Variants in PBX1 observed in about 807,000 individuals in gnomAD.
The protein encoded by PBX1 is pre-B-cell leukemia transcription factor 1.
In PBX1, 6 loss-of-function variants were observed where a neutral mutation model predicts 53.4. That is an observed-to-expected ratio of 0.11 (90% CI 0.06 to 0.22). PBX1 has a LOEUF of 0.22. Ranked by LOEUF, PBX1 falls within the 10% of genes least tolerant of loss-of-function variation. The probability of loss-of-function intolerance (pLI) is 1.00; values close to 1 mark genes in which losing one functional copy is unlikely to be tolerated. For synonymous variants in PBX1, 204 were observed against 212.3 expected, an observed-to-expected ratio of 0.96 and a Z score of 0.34; for missense variants, 251 against 551.4, an observed-to-expected ratio of 0.46 and a Z score of 5.46.
Position 164,621,915 on chromosome 1 carries a change from C to T in PBX1, c.265+58604C>T, listed in dbSNP as rs72696418. ...AGAAGAAAAGCTCCCATCTTTCACA[C>T]TAAATACGTTCTATAAAACCAAGCA... On this transcript the variant is annotated intron_variant, in intron 2 of 8. Coordinates refer to ENST00000420696, the MANE Select transcript of PBX1 (RefSeq NM_002585.4). Among the ~76,000 whole-genome samples, 413 of 152,164 alleles carry T rather than the reference C, an allele frequency of 2.7e-3. 1 individual carries two copies. The highest frequency in any genetic ancestry group is 4.4e-3 in the Non-Finnish European group (299 of 68,012).
At position 164,861,453 on chromosome 1, in the gene PBX1, A is replaced by G. The variant is rs151305890; in HGVS notation, n.257+29970A>G. 7.5e-3 allele frequency among the ~76,000 whole-genome samples: 1,138 copies of G among 152,264 alleles called. 10 individuals carry two copies. The highest frequency in any genetic ancestry group is 0.026 in the African/African-American group (1,098 of 41,544). On this transcript the variant is annotated intron_variant and non_coding_transcript_variant, in intron 2 of 2. Transcript: ENST00000558796. Reference sequence around the variant, plus strand: ...TTGGCTTGAACATATAGTTATTTTAAACTATCCATTTATTTATTCCTTCAC... The same window carrying G: ...TTGGCTTGAACATATAGTTATTTTAGACTATCCATTTATTTATTCCTTCAC...
intron 2 of PBX1, among the ~76,000 whole-genome samples, chr1:164,755,315 A>G (rs1004042618): frequency 2.0e-5 from 3 of 151,928 alleles, no homozygotes; most frequent in Non-Finnish European, 4.4e-5. Flanking sequence ...ATGGCCAGCT[A>G]ATTTTGTATT....
Position 164,879,509 on chromosome 1 carries a change from T to C in PBX1, n.258-19679T>C, listed in dbSNP as rs546978873. 2.6e-5 allele frequency among the ~76,000 whole-genome samples: 4 copies of C among 152,264 alleles called. No homozygotes were observed. The South Asian group carries it at 8.3e-4, about 32-fold the overall frequency. The stretch of plus-strand genomic sequence containing the variant: ...TTTCTGTCATCTTGGGTTTGACATG[T>C]AACAGAAGATCTAAGTGGAAACCTC... On this transcript the variant is annotated intron_variant and non_coding_transcript_variant, in intron 2 of 2. Coordinates refer to the PBX1 transcript ENST00000558796.
At chr1:164,601,601 G>A (rs1001190323) in intron 2 of PBX1, among the ~76,000 whole-genome samples, 8 of 152,170 alleles carry the variant, frequency 5.3e-5, no homozygotes, top group African/African-American at 1.9e-4. Flanking sequence ...TTAAACTGTG[G>A]CAGGAGGGTC....
chr1:164,660,436 G>A (rs1231146488), intron 2 of PBX1, among the ~76,000 whole-genome samples: 1 of 152,228 alleles, frequency 6.6e-6, no homozygotes, highest in Non-Finnish European at 1.5e-5. Context: ...TGTGTGGTAA[G>A]ACTGGCGAAA....
chr1:164,565,422 GACACACACACACAC>G (rs36118857), intron 2 of PBX1, among the ~76,000 whole-genome samples: 2 of 145,904 alleles, frequency 1.4e-5, no homozygotes. Context: ...TGTGTTAAGG[GACACACACACACAC>G]ACACACACAC....
At chr1:164,687,561 TAAAAAAA>T (rs5778407) in intron 2 of PBX1, among the ~76,000 whole-genome samples, 2 of 110,490 alleles carry the variant, frequency 1.8e-5, no homozygotes. Context: ...AGACCTTGTC[TAAAAAAA>T]AAAAAAAAAA....
chr1:164,572,382 G>GA (rs1653942226), intron 2 of PBX1, among the ~76,000 whole-genome samples: 1 of 152,034 alleles, frequency 6.6e-6, no homozygotes, highest in Non-Finnish European at 1.5e-5. Context: ...AATACACTAA[G>GA]AAAAAAAGTT....
At chr1:164,568,638 T>C (rs1351052513) in intron 2 of PBX1, among the ~76,000 whole-genome samples, 1 of 152,242 alleles carries the variant, frequency 6.6e-6, no homozygotes, top group Non-Finnish European at 1.5e-5. Flanking sequence ...CTATAATAAA[T>C]TATCTCAGGA....
chr1:164,706,725 A>G (rs554865240), intron 2 of PBX1, among the ~76,000 whole-genome samples: 23 of 152,320 alleles, frequency 1.5e-4, no homozygotes, highest in African/African-American at 5.5e-4. Context: ...AGTGAGAACC[A>G]GGAAGATTTA....
chr1:164,606,225 C>T (rs1656539545), intron 2 of PBX1, among the ~76,000 whole-genome samples: 1 of 152,228 alleles, frequency 6.6e-6, no homozygotes, highest in Non-Finnish European at 1.5e-5. Flanking sequence ...TGTGGTGGCT[C>T]ACGCCTGTTA....
At chr1:164,700,804 T>C in intron 2 of PBX1, 2 of 915,046 alleles carry the variant, frequency 2.2e-6, no homozygotes, top group Non-Finnish European at 2.6e-6. Flanking sequence ...CCCATCTTTG[T>C]GTTTTGGTGG....
intron 2 of PBX1, among the ~76,000 whole-genome samples, chr1:164,686,240 G>A (rs1662086297): frequency 6.6e-6 from 1 of 152,200 alleles, no homozygotes; most frequent in Non-Finnish European, 1.5e-5. Flanking sequence ...AGATGAAAGT[G>A]TTCGGTCACC....
intron 2 of PBX1, among the ~76,000 whole-genome samples, chr1:164,648,129 T>G (rs567579147): frequency 1.3e-5 from 2 of 152,228 alleles, no homozygotes; most frequent in East Asian, 3.9e-4. Context: ...CCAGCTTTTG[T>G]GTTATGCACT....
chr1:164,705,171 C>T (rs1302340395), intron 2 of PBX1, among the ~76,000 whole-genome samples: 2 of 152,188 alleles, frequency 1.3e-5, no homozygotes, highest in African/African-American at 4.8e-5. Context: ...AGCATCCCCA[C>T]TCCCCCATTG....
chr1:164,720,242 C>T (rs949188180), intron 2 of PBX1, among the ~76,000 whole-genome samples: 1 of 152,054 alleles, frequency 6.6e-6, no homozygotes, highest in African/African-American at 2.4e-5. Flanking sequence ...CTGCATACTT[C>T]TGTATTTTAT....
chr1:164,793,329 A>G (rs369264777), intron 3 of PBX1, among the ~76,000 whole-genome samples: 1 of 152,132 alleles, frequency 6.6e-6, no homozygotes, highest in East Asian at 1.9e-4. Flanking sequence ...CATCCTCTGT[A>G]AAAAGGGTAG....
At chr1:164,802,711 T>G (rs1202279188) in intron 4 of PBX1, among the ~76,000 whole-genome samples, 1 of 152,178 alleles carries the variant, frequency 6.6e-6, no homozygotes, top group Non-Finnish European at 1.5e-5. Flanking sequence ...CCTGTCTCTC[T>G]TCCTTAGATT....
chr1:164,746,524 G>A (rs1458124889), intron 2 of PBX1, among the ~76,000 whole-genome samples: 1 of 152,066 alleles, frequency 6.6e-6, no homozygotes, highest in South Asian at 2.1e-4. Context: ...TTACAGGCAT[G>A]TGCCACCACG....
Sources: allele counts gnomAD v4.1 joint callset (sites outside exome capture counted in the v4.1 genomes callset), GRCh38; gene constraint gnomAD v4.1.1; transcripts MANE v1.5; gene names NCBI Gene and HGNC (gene_info 2026-07-23, HGNC 2026-07-21).